SYT16: variants seen among roughly 807,000 people sequenced by gnomAD.
SYT16 encodes synaptotagmin-16.
A neutral mutation model predicts 61.4 loss-of-function variants in SYT16; 42 were observed. That is an observed-to-expected ratio of 0.68 (90% CI 0.53 to 0.89). SYT16 has a LOEUF of 0.89. SYT16 is among the 40% of genes least tolerant of loss of function. The pLI, the probability that SYT16 is intolerant of heterozygous loss-of-function variation, is 0.00. For synonymous variants in SYT16, 314 were observed against 302.3 expected, an observed-to-expected ratio of 1.04 and a Z score of -0.40; for missense variants, 804 against 807.3, an observed-to-expected ratio of 1.00 and a Z score of 0.05.
intron 3 of SYT16, among the ~76,000 whole-genome samples, chr14:62,042,343 C>T (rs1423418520): frequency 6.6e-6 from 1 of 152,122 alleles, no homozygotes; most frequent in Non-Finnish European, 1.5e-5. Context: ...TGAATTTTAC[C>T]TTTGCGTGCA....
At chr14:61,964,364 T>C (rs1020570663) in intron 1 of SYT16, among the ~76,000 whole-genome samples, 2 of 152,118 alleles carry the variant, frequency 1.3e-5, no homozygotes, top group Non-Finnish European at 2.9e-5. Flanking sequence ...TCTAACCCTC[T>C]TGGATGACTT....
At chr14:61,977,017 G>T (rs1234100438) in intron 2 of SYT16, among the ~76,000 whole-genome samples, 2 of 152,130 alleles carry the variant, frequency 1.3e-5, no homozygotes, top group Admixed American at 6.5e-5. Context: ...GGGGCAAAAG[G>T]CTGCTAGTCT....
chr14:61,995,993 G>T lies in SYT16; in HGVS notation c.-27G>T. ...GAGCACTGAAGGAACTGAACAACTG[G>T]ACACTGTAGACATCAGATAGCTGGC... On this transcript the variant is annotated 5_prime_UTR_variant, in exon 3 of 8. Coordinates refer to ENST00000683842, the MANE Select transcript of SYT16 (RefSeq NM_001367656.1). 1.3e-6 allele frequency: 2 copies of T among 1,543,106 alleles called. No homozygotes were observed. The highest frequency in any genetic ancestry group is 2.3e-5 in the East Asian group (1 of 44,208).
chr14:61,918,052 A>G (rs952981042), intron 1 of SYT16, among the ~76,000 whole-genome samples: 1 of 152,164 alleles, frequency 6.6e-6, no homozygotes, highest in African/African-American at 2.4e-5. Context: ...AGAGTTTTGA[A>G]TTTTGGAGCA....
At chr14:62,070,005 G>C (rs939106475) in intron 4 of SYT16, among the ~76,000 whole-genome samples, 190 bp downstream of exon 4, 3 of 152,242 alleles carry the variant, frequency 2.0e-5, no homozygotes, top group Non-Finnish European at 4.4e-5. Flanking sequence ...GAGGTTGAGA[G>C]AGGGAATGGA....
intron 3 of SYT16, among the ~76,000 whole-genome samples, chr14:62,049,204 T>G (rs1486232476): frequency 6.6e-6 from 1 of 152,250 alleles, no homozygotes; most frequent in Non-Finnish European, 1.5e-5. Flanking sequence ...CTCTTCTTGT[T>G]GAATTGATCC....
chr14:61,854,666 T>C (rs1183144556), intron 1 of SYT16, among the ~76,000 whole-genome samples: 2 of 152,240 alleles, frequency 1.3e-5, no homozygotes, highest in Admixed American at 6.5e-5. Flanking sequence ...TTGACCAATT[T>C]AGCAAAGTGA....
chr14:61,918,298 G>T (rs577831437), intron 1 of SYT16, among the ~76,000 whole-genome samples: 1 of 152,210 alleles, frequency 6.6e-6, no homozygotes, highest in South Asian at 2.1e-4. Context: ...TTAATCATAT[G>T]GGCGGAAATA....
intron 1 of SYT16, among the ~76,000 whole-genome samples, chr14:61,948,271 G>A (rs1262895657): frequency 2.6e-5 from 4 of 152,030 alleles, no homozygotes; most frequent in Non-Finnish European, 4.4e-5. Context: ...AGCCATGTTC[G>A]TGAAATCATC....
intron 2 of SYT16, among the ~76,000 whole-genome samples, chr14:61,994,582 A>G (rs915249727): frequency 6.6e-6 from 1 of 152,180 alleles, no homozygotes; most frequent in Non-Finnish European, 1.5e-5. Context: ...CAGCTGGTGA[A>G]TATAACAGGG....
intron 1 of SYT16, among the ~76,000 whole-genome samples, chr14:61,879,450 C>T (rs1422336317): frequency 6.6e-6 from 1 of 152,130 alleles, no homozygotes; most frequent in African/African-American, 2.4e-5. Flanking sequence ...ACAAGCAATT[C>T]ACCTCTCTGG....
intron 1 of SYT16, among the ~76,000 whole-genome samples, chr14:61,929,452 A>G (rs980181737): frequency 1.3e-5 from 2 of 152,240 alleles, no homozygotes; most frequent in African/African-American, 4.8e-5. Flanking sequence ...TGCAAGGGAT[A>G]TTAACCTGGC....
intron 1 of SYT16, among the ~76,000 whole-genome samples, chr14:61,919,639 A>C (rs1356487450): frequency 6.6e-6 from 1 of 152,208 alleles, no homozygotes. Flanking sequence ...GCCAGTTTTA[A>C]GAACCCTTGT....
intron 3 of SYT16, among the ~76,000 whole-genome samples, chr14:62,068,052 C>T (rs570358195): frequency 6.6e-6 from 1 of 152,102 alleles, no homozygotes; most frequent in East Asian, 1.9e-4. Context: ...TGGGTATATA[C>T]CTAAAGGAGG....
chr14:62,054,727 A>G (rs1194868097), intron 3 of SYT16, among the ~76,000 whole-genome samples: 1 of 152,198 alleles, frequency 6.6e-6, no homozygotes, highest in Admixed American at 6.5e-5. Context: ...TATATTCATT[A>G]TAGAGTCGAT....
intron 2 of SYT16, among the ~76,000 whole-genome samples, chr14:61,990,314 T>A (rs2052494900): frequency 6.6e-6 from 1 of 152,216 alleles, no homozygotes; most frequent in Admixed American, 6.5e-5. Context: ...ACCAACGTTT[T>A]ATAGGTGACA....
chr14:61,984,380 A>G lies in SYT16; in HGVS notation c.-144-11496A>G, dbSNP rs947970369. Among the ~76,000 whole-genome samples the G allele has an allele frequency of 4.6e-5, 7 of 152,320 alleles. No homozygotes were observed. The East Asian group carries it at 9.6e-4, about 21-fold the overall frequency. Reference sequence around the variant, plus strand: ...CTGAAATGAATCAAATGTGTATTTTATGTGGGACTGTGCTTAGAAATAGAA... The same window carrying G: ...CTGAAATGAATCAAATGTGTATTTTGTGTGGGACTGTGCTTAGAAATAGAA... On this transcript the variant is annotated intron_variant, in intron 2 of 7. Coordinates refer to ENST00000683842, the MANE Select transcript of SYT16 (RefSeq NM_001367656.1).
At chr14:62,028,916 T>G (rs1236629752) in intron 3 of SYT16, among the ~76,000 whole-genome samples, 2 of 152,150 alleles carry the variant, frequency 1.3e-5, no homozygotes, top group Admixed American at 1.3e-4. Context: ...TAGGAGAAAC[T>G]GAGTGGAATT....
At position 62,104,095 on chromosome 14, in the gene SYT16, T is replaced by C. The variant is rs2057470880; in HGVS notation, c.*3388T>C. The C allele has an allele frequency of 6.6e-6, 1 of 152,220 alleles. No individual in the cohort carries two copies. The highest frequency in any genetic ancestry group is 6.5e-5 in the Admixed American group (1 of 15,288). The allele number at this position is 152,220 out of a possible 1,614,324, so 9.4% of individuals were successfully genotyped here. ...GATGAAGTACTATTTAAGTAGAAAC[T>C]AGCATTAGGTTAAATCAAAGTGCTT... On this transcript the variant is annotated 3_prime_UTR_variant, in exon 8 of 8. Coordinates refer to ENST00000683842, the MANE Select transcript of SYT16 (RefSeq NM_001367656.1).
Sources: allele counts gnomAD v4.1 joint callset (sites outside exome capture counted in the v4.1 genomes callset), GRCh38; gene constraint gnomAD v4.1.1; transcripts MANE v1.5; gene names NCBI Gene and HGNC (gene_info 2026-07-23, HGNC 2026-07-21).